Variants in TFEC observed in about 807,000 individuals in gnomAD.
TFEC encodes class E basic helix-loop-helix protein 34.
TFEC carries 31 observed loss-of-function variants against 41.6 expected under a neutral mutation model. The observed-to-expected ratio is 0.74, with a 90% CI of 0.56 to 1.01. TFEC has a LOEUF of 1.01. Ranked by LOEUF, TFEC falls within the 50% of genes least tolerant of loss-of-function variation. The pLI is 0.00. For synonymous variants in TFEC, 143 were observed against 140.6 expected (o/e 1.02, Z -0.12); for missense variants, 402 against 404.1 (o/e 0.99, Z 0.04).
At chr7:115,994,537 G>T (rs1047065935) in intron 1 of TFEC, among the ~76,000 whole-genome samples, 1 of 152,138 alleles carries the variant, frequency 6.6e-6, no homozygotes, top group South Asian at 2.1e-4. Flanking sequence ...CCATCAAAAA[G>T]TGGGCAAAGG....
At chr7:116,103,936 T>C (rs1172112006) in intron 3 of TFEC, among the ~76,000 whole-genome samples, 6 of 152,114 alleles carry the variant, frequency 3.9e-5, no homozygotes, top group African/African-American at 1.4e-4. Flanking sequence ...AGAGGAGACA[T>C]ACAAGAAAAA....
At chr7:115,962,961 C>G (rs899869261) in intron 3 of TFEC, among the ~76,000 whole-genome samples, 2 of 151,850 alleles carry the variant, frequency 1.3e-5, no homozygotes, top group Non-Finnish European at 2.9e-5. Flanking sequence ...ATAAACTTGT[C>G]ATTTACATTA....
intron 7 of TFEC, 22 bp from the exon 8 acceptor site, chr7:115,940,953 A>T (rs1312740211): frequency 1.3e-6 from 2 of 1,543,360 alleles, no homozygotes; most frequent in Non-Finnish European, 1.7e-6. Context: ...AACGAAAATC[A>T]TTAAATAATG....
chr7:116,012,826 GA>G (rs10568835), intron 1 of TFEC, among the ~76,000 whole-genome samples: 77,314 of 134,580 alleles, frequency 0.57, 21,844 homozygotes, highest in East Asian at 0.65. Flanking sequence ...TTTATTTCTG[GA>G]AAAAAAAAAA....
intron 1 of TFEC, among the ~76,000 whole-genome samples, chr7:116,130,147 T>TCTC (rs1798303454): frequency 6.6e-6 from 1 of 151,934 alleles, no homozygotes; most frequent in African/African-American, 2.4e-5. Flanking sequence ...CCACTAGAAA[T>TCTC]CTCTGATTAA....
intron 3 of TFEC, among the ~76,000 whole-genome samples, chr7:116,081,134 A>AT (rs1481691208): frequency 6.6e-6 from 1 of 151,870 alleles, no homozygotes; most frequent in Non-Finnish European, 1.5e-5. Context: ...ACCAAACATC[A>AT]TATGTTCTCA....
intron 1 of TFEC, among the ~76,000 whole-genome samples, chr7:115,990,006 A>C (rs1032243258): frequency 1.3e-5 from 2 of 152,208 alleles, no homozygotes; most frequent in African/African-American, 2.4e-5. Flanking sequence ...TCATACAGCC[A>C]GGTGCCCCTC....
chr7:115,979,823 G>T (rs141843063), intron 2 of TFEC, among the ~76,000 whole-genome samples: 1 of 152,018 alleles, frequency 6.6e-6, no homozygotes, highest in Non-Finnish European at 1.5e-5. Flanking sequence ...ACACTGAGAC[G>T]CATCAACATT....
intron 1 of TFEC, 133 bp from the exon 2 acceptor site, chr7:115,984,646 T>C (rs1793774876): frequency 9.4e-7 from 1 of 1,067,648 alleles, no homozygotes; most frequent in Non-Finnish European, 1.3e-6. Flanking sequence ...CTATCGTCCA[T>C]ACTTCTGTCA....
At chr7:116,143,727 C>T (rs1798586743) in intron 1 of TFEC, among the ~76,000 whole-genome samples, 1 of 152,184 alleles carries the variant, frequency 6.6e-6, no homozygotes, top group African/African-American at 2.4e-5. Flanking sequence ...AACACACTCT[C>T]CAGGTGCCTC....
rs538919898 is a variant in TFEC at position 115,939,627 on chromosome 7, A to T, written c.*924T>A. On this transcript the variant is annotated 3_prime_UTR_variant, in exon 8 of 8. Coordinates refer to ENST00000265440, the MANE Select transcript of TFEC (RefSeq NM_012252.4). ...TTAAGTACCTGAAAACTGTCCTTGCAGGGGGACATTTTATATTTTATTTAC... is the reference window on the plus strand; with the variant it reads ...TTAAGTACCTGAAAACTGTCCTTGCTGGGGGACATTTTATATTTTATTTAC... 6.6e-5 allele frequency: 10 copies of T among 152,030 alleles called. No individual in the cohort carries two copies. The highest frequency in any genetic ancestry group is 1.0e-4 in the Non-Finnish European group (7 of 67,950). The allele number at this position is 152,030 out of a possible 1,614,324, so 9.4% of individuals were successfully genotyped here.
At chr7:116,028,532 A>G (rs1050054105) in intron 1 of TFEC, among the ~76,000 whole-genome samples, 7 of 152,214 alleles carry the variant, frequency 4.6e-5, no homozygotes, top group African/African-American at 1.7e-4. Context: ...AAATCTGTGC[A>G]GGAACCATGC....
intron 3 of TFEC, among the ~76,000 whole-genome samples, chr7:115,967,965 A>G (rs368725901): frequency 6.6e-6 from 1 of 151,848 alleles, no homozygotes; most frequent in Admixed American, 6.6e-5. Context: ...AATATTTTTT[A>G]CTAAATATAC....
At chr7:116,058,024 C>A (rs1471138457) in intron 3 of TFEC, among the ~76,000 whole-genome samples, 1 of 150,422 alleles carries the variant, frequency 6.6e-6, no homozygotes, top group African/African-American at 2.5e-5. Context: ...CAGATTTAAA[C>A]CTACTCAAAT....
chr7:116,100,583 CAG>C (rs986925403), intron 3 of TFEC, among the ~76,000 whole-genome samples: 31 of 146,410 alleles, frequency 2.1e-4, no homozygotes, highest in African/African-American at 5.7e-4. Flanking sequence ...GAGAAAGAGA[CAG>C]GGGGTTACTT....
rs747813869 is a variant in TFEC, at chr7:115,974,209, T to C, written c.228A>G (p.Lys76=). The C allele has an allele frequency of 4.4e-6, 7 of 1,595,374 alleles. No individual in the cohort carries two copies. In the South Asian group the frequency reaches 8.0e-5, roughly 18 times the overall value. Residue 76 remains lysine (K), a synonymous_variant, in exon 3 of 8, where the codon AAA becomes AAG. Coordinates refer to ENST00000265440, the MANE Select transcript of TFEC (RefSeq NM_012252.4). ...EDIIGMESSF[K]EEGADSPLLM... Reference sequence around the variant, plus strand: ...GCAGAGGAGAGTCTGCTCCTTCCTCTTTAAAACTTGATTCCATACCGATTA... The same window carrying C: ...GCAGAGGAGAGTCTGCTCCTTCCTCCTTAAAACTTGATTCCATACCGATTA...
At chr7:116,026,382 T>C (rs767033590) in intron 1 of TFEC, among the ~76,000 whole-genome samples, 2 of 152,240 alleles carry the variant, frequency 1.3e-5, no homozygotes, top group Non-Finnish European at 2.9e-5. Context: ...ACTTTCATTG[T>C]AACATTTGTC....
intron 1 of TFEC, among the ~76,000 whole-genome samples, chr7:116,144,565 G>A (rs1446524183): frequency 1.3e-5 from 2 of 152,120 alleles, no homozygotes; most frequent in East Asian, 3.9e-4. Flanking sequence ...GCCCAAGGTG[G>A]TCTCAAACTC....
upstream of TFEC, among the ~76,000 whole-genome samples, chr7:116,033,200 T>C (rs1795829724): frequency 6.6e-6 from 1 of 152,204 alleles, no homozygotes; most frequent in East Asian, 1.9e-4. Flanking sequence ...GGTCAAGTTC[T>C]GGCCATTCTA....
Sources: gnomAD v4.1 joint callset for allele counts (sites outside exome capture counted in the v4.1 genomes callset) on GRCh38, gnomAD v4.1.1 for gene constraint, MANE v1.5 for transcripts, NCBI Gene and HGNC (gene_info 2026-07-23, HGNC 2026-07-21) for gene names.